The following PTPRN2 variants were observed in gnomAD, a reference collection of about 807,000 sequenced individuals.
The protein encoded by PTPRN2 is receptor-type tyrosine-protein phosphatase N2.
A neutral mutation model predicts 118.8 loss-of-function variants in PTPRN2; 74 were observed. The observed-to-expected ratio is 0.62, with a 90% CI of 0.52 to 0.76. The LOEUF is 0.76. PTPRN2 is among the 30% of genes least tolerant of loss of function. The pLI is 0.00. For synonymous variants in PTPRN2, 641 were observed against 608.0 expected (o/e 1.05, Z -0.80); for missense variants, 1,481 against 1,394.4 (o/e 1.06, Z -0.99).
chr7:157,737,746 G>C (rs1563056551), intron 12 of PTPRN2, among the ~76,000 whole-genome samples: 1 of 152,256 alleles, frequency 6.6e-6, no homozygotes, highest in Non-Finnish European at 1.5e-5. Context: ...CAGCATCGTG[G>C]GTGCCGGCTG....
intron 12 of PTPRN2, among the ~76,000 whole-genome samples, chr7:157,826,908 G>C (rs575865693): frequency 2.0e-5 from 3 of 152,092 alleles, no homozygotes; most frequent in Non-Finnish European, 4.4e-5. Flanking sequence ...CCAGGAGCAC[G>C]ACTTATCCCA....
intron 11 of PTPRN2, among the ~76,000 whole-genome samples, chr7:157,976,202 A>G (rs1411372452): frequency 6.6e-6 from 1 of 152,160 alleles, no homozygotes; most frequent in Non-Finnish European, 1.5e-5. Flanking sequence ...CAGCAAACGA[A>G]TCTTCCCAGA....
intron 3 of PTPRN2, among the ~76,000 whole-genome samples, chr7:158,262,929 A>T (rs1229313623): frequency 6.9e-6 from 1 of 143,898 alleles, no homozygotes; most frequent in Non-Finnish European, 1.5e-5. Flanking sequence ...ACACATTCAC[A>T]CACTGCACAC....
intron 2 of PTPRN2, among the ~76,000 whole-genome samples, chr7:158,395,129 G>T (rs1812244701): frequency 6.6e-6 from 1 of 151,986 alleles, no homozygotes; most frequent in African/African-American, 2.4e-5. Context: ...TTTTCGCCTG[G>T]GTGGTCTGCA....
intron 4 of PTPRN2, among the ~76,000 whole-genome samples, chr7:158,198,111 T>C (rs1295665776): frequency 1.3e-5 from 2 of 152,230 alleles, no homozygotes; most frequent in Admixed American, 6.5e-5. Flanking sequence ...TTCTGGTATT[T>C]TGTCTACTTT....
chr7:157,719,435 G>A (rs372426516), intron 12 of PTPRN2, among the ~76,000 whole-genome samples: 10 of 152,254 alleles, frequency 6.6e-5, no homozygotes, highest in African/African-American at 2.4e-4. Context: ...CCAGAGAAAG[G>A]TCACCTGCCA....
intron 12 of PTPRN2, among the ~76,000 whole-genome samples, chr7:157,698,542 T>G (rs935289022): frequency 2.0e-5 from 3 of 152,236 alleles, no homozygotes; most frequent in Non-Finnish European, 4.4e-5. Context: ...TAGACTTTTC[T>G]TCCCCAAACT....
intron 12 of PTPRN2, among the ~76,000 whole-genome samples, chr7:157,707,343 A>G (rs1798385087): frequency 6.6e-6 from 1 of 152,156 alleles, no homozygotes; most frequent in Non-Finnish European, 1.5e-5. Flanking sequence ...ATAGGCATAT[A>G]GTAAACACCA....
At chr7:157,853,131 C>T (rs1294819327) in intron 12 of PTPRN2, among the ~76,000 whole-genome samples, 4 of 152,050 alleles carry the variant, frequency 2.6e-5, no homozygotes, top group Non-Finnish European at 5.9e-5. Flanking sequence ...CACACGGATG[C>T]GATGTGTGAT....
At chr7:158,282,922 G>A (rs1264097239) in intron 3 of PTPRN2, among the ~76,000 whole-genome samples, 11 of 149,424 alleles carry the variant, frequency 7.4e-5, no homozygotes, top group African/African-American at 1.7e-4. Flanking sequence ...ACACAGCAGC[G>A]GGATATAGAC....
intron 2 of PTPRN2, among the ~76,000 whole-genome samples, chr7:158,458,534 C>T (rs1818707935): frequency 6.6e-6 from 1 of 152,146 alleles, no homozygotes; most frequent in Non-Finnish European, 1.5e-5. Context: ...AACCACGCCC[C>T]CACCCAACAG....
chr7:158,161,772 G>A (rs1019117097), intron 6 of PTPRN2, among the ~76,000 whole-genome samples: 10 of 149,492 alleles, frequency 6.7e-5, no homozygotes, highest in South Asian at 2.2e-4. Flanking sequence ...TGCAAAAGAC[G>A]CTGTCAAGAG....
chr7:158,145,276 G>A lies in PTPRN2; in HGVS notation c.911-6761C>T, dbSNP rs576726898. 1.1e-4 allele frequency among the ~76,000 whole-genome samples: 16 copies of A among 149,520 alleles called. No homozygotes were observed. In the East Asian group the frequency reaches 2.6e-3, roughly 24 times the overall value. On this transcript the variant is annotated intron_variant, in intron 6 of 22. Coordinates refer to ENST00000389418, the MANE Select transcript of PTPRN2 (RefSeq NM_002847.5). ...GGCAAGACTTCCCTCACATCATCGC[G>A]AGAAGGTTCCAGAATACCACAGCTT...
rs1460623699 is a variant in PTPRN2, at chr7:158,489,912, C to G, written c.113-127G>C. 10 of 880,496 alleles carry G rather than the reference C, an allele frequency of 1.1e-5. No homozygotes were observed. The African/African-American group carries it at 1.7e-4, about 15-fold the overall frequency. 54.5% of individuals were successfully genotyped at this position (880,496 alleles called of 1,614,324 possible). On this transcript the variant is annotated intron_variant, in intron 1 of 22. Transcript: ENST00000389418. ...GGTCAAGCAGGCTCCTCCGACCCGGCTTTTCCGAGATGGGGCCGATTATTC... is the reference window on the plus strand; with the variant it reads ...GGTCAAGCAGGCTCCTCCGACCCGGGTTTTCCGAGATGGGGCCGATTATTC...
chr7:158,156,601 G>A (rs1043581365), intron 6 of PTPRN2, among the ~76,000 whole-genome samples: 2 of 152,200 alleles, frequency 1.3e-5, no homozygotes, highest in African/African-American at 4.8e-5. Context: ...TGAACACACA[G>A]CTGCAGTCAG....
In PTPRN2 at chr7:158,306,863, T is replaced by TG. The variant is rs1491044880; in HGVS notation, c.277+9955_277+9956insC. Among the ~76,000 whole-genome samples the TG allele has an allele frequency of 5.0e-3, 427 of 85,302 alleles. 4 individuals are homozygous for TG. The highest frequency in any genetic ancestry group is 0.011 in the East Asian group (24 of 2,186). 56.0% of individuals were successfully genotyped at this position (85,302 alleles called of 152,430 possible). On this transcript the variant is annotated intron_variant, in intron 3 of 22. Transcript: ENST00000389418. Reference sequence around the variant, plus strand: ...TAAATGAGCTGTTTTTTGTTTTTTTTTTTTTTTTTTTTTTTTTTTTTTAGA... The same window carrying TG: ...TAAATGAGCTGTTTTTTGTTTTTTTTGTTTTTTTTTTTTTTTTTTTTTTAGA...
At chr7:158,103,212 T>C (rs1482247471) in intron 10 of PTPRN2, among the ~76,000 whole-genome samples, 1 of 152,148 alleles carries the variant, frequency 6.6e-6, no homozygotes, top group African/African-American at 2.4e-5. Flanking sequence ...GATGAGTTCC[T>C]GAGTCCTAAA....
At chr7:157,898,830 A>G in intron 11 of PTPRN2, 93 bp from the exon 12 acceptor site, 2 of 1,164,158 alleles carry the variant, frequency 1.7e-6, no homozygotes, top group East Asian at 2.3e-5. Flanking sequence ...GAAAATTTCA[A>G]TTACATGACT....
intron 2 of PTPRN2, among the ~76,000 whole-genome samples, chr7:158,396,420 G>GCACGTGTGTGTGCATGAATGTGT (rs1812504846): frequency 6.6e-6 from 1 of 152,202 alleles, no homozygotes; most frequent in Admixed American, 6.5e-5. Context: ...GTGTACATGT[G>GCACGTGTGTGTGCATGAATGTGT]CACGTGTGTG....
Sources: allele counts gnomAD v4.1 joint callset (sites outside exome capture counted in the v4.1 genomes callset), GRCh38; gene constraint gnomAD v4.1.1; transcripts MANE v1.5; gene names NCBI Gene and HGNC (gene_info 2026-07-23, HGNC 2026-07-21).